Variants in CRTAC1 observed in about 807,000 individuals in gnomAD.
CRTAC1 encodes cartilage acidic protein 1.
In CRTAC1, 37 loss-of-function variants were observed where a neutral mutation model predicts 67.8. The observed-to-expected ratio is 0.55, with a 90% CI of 0.42 to 0.72. The LOEUF is 0.72. CRTAC1 is among the 30% of genes least tolerant of loss of function. The pLI, the probability that CRTAC1 is intolerant of heterozygous loss-of-function variation, is 0.00. For missense variants in CRTAC1, 780 were observed against 931.6 expected (o/e 0.84, Z 2.12); for synonymous variants, 348 against 371.0 (o/e 0.94, Z 0.71).
intron 2 of CRTAC1, among the ~76,000 whole-genome samples, chr10:97,999,355 G>A (rs1227231448): frequency 6.6e-6 from 1 of 152,270 alleles, no homozygotes; most frequent in Non-Finnish European, 1.5e-5. Context: ...TCTCCCTGCT[G>A]TTGGCACCTG....
intron 2 of CRTAC1, among the ~76,000 whole-genome samples, chr10:98,010,675 C>T (rs976092807): frequency 6.6e-5 from 10 of 152,146 alleles, no homozygotes; most frequent in South Asian, 4.1e-4. Context: ...CTCTTTGAAA[C>T]GGTTAATTAA....
At chr10:97,994,569 G>A (rs1056510416) in intron 2 of CRTAC1, among the ~76,000 whole-genome samples, 1 of 152,308 alleles carries the variant, frequency 6.6e-6, no homozygotes, top group East Asian at 1.9e-4. Context: ...AGGCCCTTGG[G>A]ATTCTCTCCT....
chr10:97,876,721 GAC>G (rs1220515883), intron 14 of CRTAC1, among the ~76,000 whole-genome samples: 1 of 152,204 alleles, frequency 6.6e-6, no homozygotes, highest in Non-Finnish European at 1.5e-5. Flanking sequence ...ACAGGGAAAA[GAC>G]AGACTTATCT....
At chr10:97,970,927 G>C (rs182286892) in intron 2 of CRTAC1, among the ~76,000 whole-genome samples, 1 of 152,274 alleles carries the variant, frequency 6.6e-6, no homozygotes, top group East Asian at 1.9e-4. Flanking sequence ...AATGATCAGA[G>C]TACATAAAGA....
In CRTAC1 at chr10:97,890,395, C is replaced by T. The variant is rs182190590; in HGVS notation, c.1486+4850G>A. The stretch of plus-strand genomic sequence containing the variant: ...AAGCATTGGGATTACAGGTATGAGC[C>T]GCTGTACCCAGCCTTGGACATAGGT... On this transcript the variant is annotated intron_variant, in intron 11 of 14. Coordinates refer to ENST00000370597, the MANE Select transcript of CRTAC1 (RefSeq NM_018058.7). Among the ~76,000 whole-genome samples the T allele has an allele frequency of 9.3e-4, 142 of 152,156 alleles. 3 individuals carry two copies. The highest frequency in any genetic ancestry group is 3.1e-3 in the African/African-American group (129 of 41,490).
intron 2 of CRTAC1, among the ~76,000 whole-genome samples, chr10:97,993,187 G>C (rs757725374): frequency 6.6e-6 from 1 of 152,158 alleles, no homozygotes; most frequent in Non-Finnish European, 1.5e-5. Context: ...GATACTGTCA[G>C]TCCCTTGGGA....
intron 8 of CRTAC1, among the ~76,000 whole-genome samples, chr10:97,900,734 G>A (rs866188567): frequency 1.3e-4 from 15 of 116,272 alleles, no homozygotes; most frequent in African/African-American, 1.9e-4. Context: ...ATTGGACCCC[G>A]TAGCCCCTTT....
intron 2 of CRTAC1, among the ~76,000 whole-genome samples, chr10:97,937,623 A>G (rs1357491024): frequency 2.0e-5 from 3 of 152,230 alleles, no homozygotes; most frequent in Admixed American, 2.0e-4. Flanking sequence ...CTCAGAGCTC[A>G]TGTCTGAATC....
intron 11 of CRTAC1, among the ~76,000 whole-genome samples, chr10:97,887,388 C>T (rs1428040473): frequency 1.3e-5 from 2 of 152,132 alleles, no homozygotes; most frequent in Non-Finnish European, 2.9e-5. Context: ...GGATTACAGG[C>T]ACCTGCCACC....
At chr10:97,878,854 G>A (rs1033291272) in intron 14 of CRTAC1, among the ~76,000 whole-genome samples, 2 of 152,150 alleles carry the variant, frequency 1.3e-5, no homozygotes, top group Non-Finnish European at 2.9e-5. Flanking sequence ...CAGGTAAAAG[G>A]CCTAGAGTAC....
intron 2 of CRTAC1, among the ~76,000 whole-genome samples, chr10:98,007,467 G>T (rs770653473): frequency 6.6e-6 from 1 of 152,224 alleles, no homozygotes; most frequent in Non-Finnish European, 1.5e-5. Flanking sequence ...GATGCGCTGA[G>T]AATTCGCAAT....
At chr10:97,871,048 T>A (rs1298172650) in intron 14 of CRTAC1, 2 of 152,154 alleles carry the variant, frequency 1.3e-5, no homozygotes, top group East Asian at 3.9e-4. Flanking sequence ...TAATGTCGGT[T>A]TCTTTCCTTC....
chr10:97,950,240 C>CAGAGAGAGAGGGAGAGAGAGAG (rs1336847727), intron 2 of CRTAC1, among the ~76,000 whole-genome samples: 3 of 104,224 alleles, frequency 2.9e-5, no homozygotes, highest in African/African-American at 1.1e-4. Flanking sequence ...CGTGCACACA[C>CAGAGAGAGAGGGAGAGAGAGAG]ACACACAGAG....
intron 5 of CRTAC1, among the ~76,000 whole-genome samples, chr10:97,914,022 G>A (rs1347283976): frequency 2.6e-5 from 4 of 152,154 alleles, no homozygotes; most frequent in Admixed American, 1.3e-4. Context: ...TTTTCTTTCC[G>A]AATTTCTTTT....
chr10:97,942,085 C>T (rs1044619102), intron 2 of CRTAC1, among the ~76,000 whole-genome samples: 3 of 152,212 alleles, frequency 2.0e-5, no homozygotes, highest in African/African-American at 7.2e-5. Context: ...TCCTTCTCAT[C>T]CCTTGGCCTC....
intron 2 of CRTAC1, among the ~76,000 whole-genome samples, chr10:97,963,389 C>T (rs757475866): frequency 2.3e-4 from 35 of 152,262 alleles, no homozygotes; most frequent in Non-Finnish European, 4.1e-4. Flanking sequence ...AGGATGAGGC[C>T]CAGCCATCCA....
chr10:97,897,097 G>T, intron 8 of CRTAC1, 106 bp from the exon 9 acceptor site: 1 of 752,914 alleles, frequency 1.3e-6, no homozygotes, highest in Admixed American at 2.6e-5. Context: ...GTCCCAATGT[G>T]CATGGGCTAC....
intron 2 of CRTAC1, among the ~76,000 whole-genome samples, chr10:98,007,262 T>G (rs1842808356): frequency 6.6e-6 from 1 of 152,110 alleles, no homozygotes. Context: ...ATACTATAGG[T>G]GTGGTCTTAT....
intron 2 of CRTAC1, among the ~76,000 whole-genome samples, chr10:97,984,779 G>A (rs955856047): frequency 6.6e-6 from 1 of 152,210 alleles, no homozygotes; most frequent in Admixed American, 6.5e-5. Context: ...AGCAACAGAA[G>A]CTGAGTCTGT....
Sources: gnomAD v4.1 joint callset for allele counts (sites outside exome capture counted in the v4.1 genomes callset) on GRCh38, gnomAD v4.1.1 for gene constraint, MANE v1.5 for transcripts, NCBI Gene and HGNC (gene_info 2026-07-23, HGNC 2026-07-21) for gene names.